PHF3: variants seen among roughly 807,000 people sequenced by gnomAD.
PHF3 encodes PHD finger protein 3.
PHF3 carries 41 observed loss-of-function variants against 178.4 expected under a neutral mutation model. That is an observed-to-expected ratio of 0.23 (90% CI 0.18 to 0.30). The LOEUF (loss-of-function observed/expected upper bound fraction) is 0.30, where lower values mean the gene tolerates loss of function less well. Among genes scored for constraint, PHF3 ranks in the 10% least tolerant of loss-of-function variants. The pLI is 1.00. For missense variants in PHF3, 2,346 were observed against 2,398.1 expected (o/e 0.98, Z 0.45); for synonymous variants, 842 against 800.5 (o/e 1.05, Z -0.88).
At chr6:63,671,042 G>A (rs776298363) in intron 2 of PHF3, among the ~76,000 whole-genome samples, 7 of 151,284 alleles carry the variant, frequency 4.6e-5, no homozygotes, top group Non-Finnish European at 8.8e-5. Flanking sequence ...GTTGGGAATT[G>A]ACTTATTAGA....
At chr6:63,640,292 A>G (rs1397906868) in intron 1 of PHF3, among the ~76,000 whole-genome samples, 1 of 152,214 alleles carries the variant, frequency 6.6e-6, no homozygotes, top group African/African-American at 2.4e-5. Context: ...TGGATAACCC[A>G]TGATTCATCT....
At chr6:63,711,508 T>C in intron 15 of PHF3, 78 bp from the exon 16 acceptor site, 1 of 1,397,988 alleles carries the variant, frequency 7.2e-7, no homozygotes, top group Non-Finnish European at 9.7e-7. Context: ...TATCCTGTAA[T>C]AAGTTAGAGG....
In PHF3 at chr6:63,698,436, T is replaced by C. The variant is rs1247980561; in HGVS notation, c.2826-13T>C. The C allele has an allele frequency of 6.3e-7, 1 of 1,588,986 alleles. No homozygotes were observed. Among genetic ancestry groups the C allele is most frequent in the Admixed American group, 1.8e-5 (1 of 55,710 alleles). ...ATACATTTGAAAAATAATTGAATTGTTCTAATTTTAAGACTTACAGACTCA... is the reference window on the plus strand; with the variant it reads ...ATACATTTGAAAAATAATTGAATTGCTCTAATTTTAAGACTTACAGACTCA... On this transcript the variant is annotated splice_polypyrimidine_tract_variant and intron_variant, in intron 7 of 15. Transcript: ENST00000262043.
chr6:63,685,200 C>T lies in PHF3; in HGVS notation c.1478C>T (p.Pro493Leu). The change falls in exon 4 of 16, where the codon CCT becomes CTT. Residue 493 changes from proline (P) to leucine (L), a missense_variant. Coordinates refer to ENST00000262043, the MANE Select transcript of PHF3 (RefSeq NM_001370348.2). ...AGTGTAAAATCCAAACATACAAAAC[C>T]TGTAATTCATTCTAAGCAAAACATG... ...SKSVKSKHTKPVIHSKQNMTT... is the reference protein window; with the variant it reads ...SKSVKSKHTKLVIHSKQNMTT... The T allele has an allele frequency of 6.2e-7, 1 of 1,613,866 alleles. No homozygotes were observed.
At chr6:63,646,411 A>G (rs1262324542) in intron 1 of PHF3, 116 bp from the exon 2 acceptor site, 1 of 608,406 alleles carries the variant, frequency 1.6e-6, no homozygotes, top group Non-Finnish European at 2.6e-6. Context: ...TTTAAACAAC[A>G]ATTCAGAAAT....
intron 2 of PHF3, among the ~76,000 whole-genome samples, chr6:63,652,723 G>A (rs942318431): frequency 2.0e-5 from 3 of 152,156 alleles, no homozygotes; most frequent in Admixed American, 6.5e-5. Flanking sequence ...GGAGAGAGAT[G>A]GGGTTTAGTT....
At chr6:63,697,504 C>G (rs1195905210) in intron 6 of PHF3, among the ~76,000 whole-genome samples, 1 of 152,078 alleles carries the variant, frequency 6.6e-6, no homozygotes, top group Non-Finnish European at 1.5e-5. Context: ...TCTGTCAGTA[C>G]CAGTGCTTAT....
intron 1 of PHF3, among the ~76,000 whole-genome samples, chr6:63,640,645 TAAACAAAC>T (rs763187096): frequency 6.6e-6 from 1 of 151,974 alleles, no homozygotes; most frequent in Non-Finnish European, 1.5e-5. Flanking sequence ...GGAGATAGCT[TAAACAAAC>T]AAACAAACAA....
At chr6:63,711,432 G>C (rs1178543346) in intron 15 of PHF3, 70 bp downstream of exon 15, 3 of 1,397,444 alleles carry the variant, frequency 2.1e-6, no homozygotes, top group Non-Finnish European at 2.9e-6. Flanking sequence ...TGAAAAGACT[G>C]ATTCTGCCTT....
Position 63,712,668 on chromosome 6 carries a change from C to G in PHF3, c.5080C>G (p.Gln1694Glu), listed in dbSNP as rs769617328. 1 of 1,613,840 alleles carries G rather than the reference C, an allele frequency of 6.2e-7. No individual in the cohort carries two copies. The highest frequency in any genetic ancestry group is 8.5e-7 in the Non-Finnish European group (1 of 1,179,934). Residue 1694 changes from glutamine to glutamate, a missense_variant, in exon 16 of 16, where the codon CAA becomes GAA. Gln to Glu is a conservative substitution (Grantham distance 29). Coordinates refer to ENST00000262043, the MANE Select transcript of PHF3 (RefSeq NM_001370348.2). ...ACACAACAAGGAGCACTTAACAGAA[C>G]AAATCAATGTAGAGGAAAAGTTGTG... The part of the protein sequence containing the change: ...LSHNKEHLTE[Q>E]INVEEKLCSA...
intron 1 of PHF3, 138 bp from the exon 2 acceptor site, chr6:63,646,389 G>T (rs1764786350): frequency 1.9e-6 from 1 of 519,324 alleles, no homozygotes; most frequent in South Asian, 3.3e-5. Flanking sequence ...AAAAACAAGT[G>T]AGGATTTTTT....
intron 11 of PHF3, 64 bp downstream of exon 11, chr6:63,703,735 AGT>A: frequency 1.4e-6 from 2 of 1,461,828 alleles, no homozygotes; most frequent in Non-Finnish European, 1.9e-6. Context: ...CTTAGATACT[AGT>A]ATATGTAATT....
At chr6:63,699,742 C>T (rs1475013857) in intron 8 of PHF3, among the ~76,000 whole-genome samples, 12 of 152,158 alleles carry the variant, frequency 7.9e-5, no homozygotes, top group Admixed American at 2.6e-4. Context: ...AGGCACACGC[C>T]GCCACGCCCA....
chr6:63,712,188 A>G lies in PHF3; in HGVS notation c.4600A>G (p.Thr1534Ala), dbSNP rs1767972691. 1 of 1,613,730 alleles carries G rather than the reference A, an allele frequency of 6.2e-7. No homozygotes were observed. Among genetic ancestry groups the G allele is most frequent in the Non-Finnish European group, 8.5e-7 (1 of 1,179,812 alleles). Residue 1534 changes from threonine (T) to alanine (A), a missense_variant, in exon 16 of 16, where the codon ACA (threonine) becomes GCA (alanine). Physicochemically the swap from Thr to Ala is moderately conservative, Grantham distance 58. Transcript: ENST00000262043. Reference protein sequence around the residue: ...KVKVDNISESTDKSAEIETSV... With the variant: ...KVKVDNISESADKSAEIETSV... ...TAAAGTAGATAATATTTCAGAATCT[A>G]CAGATAAGTCAGCAGAAATAGAAAC...
chr6:63,678,340 C>G (rs1285016279), intron 2 of PHF3, among the ~76,000 whole-genome samples: 1 of 152,092 alleles, frequency 6.6e-6, no homozygotes, highest in African/African-American at 2.4e-5. Context: ...AACTGGAGTT[C>G]CTACCTGTCT....
In PHF3 at chr6:63,712,722, C is replaced by G. The variant is rs200659310; in HGVS notation, c.5134C>G (p.Gln1712Glu). 3 of 1,613,912 alleles carry G rather than the reference C, an allele frequency of 1.9e-6. No homozygotes were observed. Among genetic ancestry groups the G allele is most frequent in the Admixed American group, 1.7e-5 (1 of 59,986 alleles). Residue 1712 changes from glutamine to glutamate, a missense_variant, in exon 16 of 16, where the codon CAG becomes GAG. By Grantham distance (29) the Gln-to-Glu change is conservative. Transcript: ENST00000262043. The part of the protein sequence containing the change: ...CSAEKNSCVQ[Q>E]SDNLKVAQNS... ...TGCAGAGAAAAACTCGTGTGTTCAG[C>G]AGAGTGACAATTTAAAAGTTGCACA...
chr6:63,658,376 G>T (rs1415794078), intron 2 of PHF3, among the ~76,000 whole-genome samples: 1 of 151,956 alleles, frequency 6.6e-6, no homozygotes, highest in Non-Finnish European at 1.5e-5. Context: ...GTTGTTACAG[G>T]TTTTTACCTT....
intron 4 of PHF3, chr6:63,686,244 C>G (rs1766699123): frequency 8.0e-6 from 2 of 250,000 alleles, no homozygotes; most frequent in Non-Finnish European, 1.5e-5. Flanking sequence ...AATTGTTATA[C>G]TGCTTTGGGT....
intron 2 of PHF3, among the ~76,000 whole-genome samples, chr6:63,658,764 C>T (rs1030459555): frequency 1.2e-4 from 16 of 136,006 alleles, no homozygotes; most frequent in South Asian, 9.4e-4. Context: ...GTGTTTATAA[C>T]GAGAGAGAGA....
Sources: allele counts gnomAD v4.1 joint callset (sites outside exome capture counted in the v4.1 genomes callset), GRCh38; gene constraint gnomAD v4.1.1; transcripts MANE v1.5; gene names NCBI Gene and HGNC (gene_info 2026-07-23, HGNC 2026-07-21).